DOCK3: variants seen among roughly 807,000 people sequenced by gnomAD.
DOCK3 encodes the protein dedicator of cytokinesis 3, also known as dedicator of cytokinesis protein 3.
DOCK3 carries 60 observed loss-of-function variants against 265.6 expected under a neutral mutation model. The observed-to-expected ratio is 0.23, with a 90% CI of 0.18 to 0.28. DOCK3 has a LOEUF of 0.28. Among genes scored for constraint, DOCK3 ranks in the 10% least tolerant of loss-of-function variants. The pLI is 1.00. For missense variants in DOCK3, 1,981 were observed against 2,594.3 expected, an observed-to-expected ratio of 0.76 and a Z score of 5.14; for synonymous variants, 881 against 938.0, an observed-to-expected ratio of 0.94 and a Z score of 1.11.
intron 32 of DOCK3, among the ~76,000 whole-genome samples, chr3:51,317,601 A>G (rs2083442929): frequency 6.8e-6 from 1 of 147,780 alleles, no homozygotes; most frequent in African/African-American, 2.5e-5. Flanking sequence ...AATAATAATA[A>G]TAATAATAAT....
chr3:51,088,317 A>G (rs1283975297), intron 7 of DOCK3, among the ~76,000 whole-genome samples: 4 of 152,206 alleles, frequency 2.6e-5, no homozygotes, highest in Non-Finnish European at 2.9e-5. Flanking sequence ...ACAAACATCT[A>G]GTTAGAAGGA....
At chr3:51,105,429 G>A (rs1392597275) in intron 9 of DOCK3, among the ~76,000 whole-genome samples, 1 of 152,156 alleles carries the variant, frequency 6.6e-6, no homozygotes, top group Non-Finnish European at 1.5e-5. Context: ...AGAGAAACAA[G>A]ACATGTGCCC....
chr3:51,010,826 ATC>A (rs2078918510), intron 5 of DOCK3, among the ~76,000 whole-genome samples: 3 of 152,064 alleles, frequency 2.0e-5, no homozygotes, highest in Admixed American at 6.5e-5. Flanking sequence ...TGGTGACAAA[ATC>A]TCTCAGCATT....
chr3:50,905,454 G>A (rs1479114626), intron 4 of DOCK3, among the ~76,000 whole-genome samples: 3 of 152,032 alleles, frequency 2.0e-5, no homozygotes, highest in African/African-American at 7.3e-5. Flanking sequence ...GTGGTTTGTA[G>A]TTCTCCTTGA....
chr3:51,269,342 A>T (rs2108859516), intron 23 of DOCK3, among the ~76,000 whole-genome samples: 1 of 151,970 alleles, frequency 6.6e-6, no homozygotes. Context: ...AGAGCAAATG[A>T]GTTACTGTTT....
chr3:51,012,685 A>G (rs185789395), intron 5 of DOCK3, among the ~76,000 whole-genome samples: 29 of 152,170 alleles, frequency 1.9e-4, no homozygotes, highest in African/African-American at 5.5e-4. Flanking sequence ...CCCCAATGAG[A>G]TGAACCTGGT....
At chr3:50,732,780 T>C (rs994953948) in intron 1 of DOCK3, among the ~76,000 whole-genome samples, 16 of 152,134 alleles carry the variant, frequency 1.1e-4, no homozygotes, top group Non-Finnish European at 1.6e-4. Flanking sequence ...GCATGCTTTA[T>C]GGTAGTATAA....
chr3:51,130,297 G>A (rs2084465535), intron 9 of DOCK3, among the ~76,000 whole-genome samples: 1 of 152,206 alleles, frequency 6.6e-6, no homozygotes, highest in African/African-American at 2.4e-5. Context: ...CTCCAAATAA[G>A]GTTATGACAC....
At chr3:51,068,356 C>A (rs1451658002) in intron 6 of DOCK3, among the ~76,000 whole-genome samples, 2 of 151,540 alleles carry the variant, frequency 1.3e-5, no homozygotes, top group Non-Finnish European at 2.9e-5. Flanking sequence ...CTGGCTAACA[C>A]GGTGAAACCC....
chr3:51,241,244 A>C (rs144234619), intron 21 of DOCK3, among the ~76,000 whole-genome samples: 2 of 152,302 alleles, frequency 1.3e-5, no homozygotes, highest in Non-Finnish European at 2.9e-5. Context: ...AGAATGTTGA[A>C]TATTGGCCCC....
At position 51,019,225 on chromosome 3, in the gene DOCK3, C is replaced by T. The variant is rs1243692008; in HGVS notation, c.316-45223C>T. On this transcript the variant is annotated intron_variant, in intron 5 of 52. Coordinates refer to ENST00000266037, the MANE Select transcript of DOCK3 (RefSeq NM_004947.5). ...TTATTGCAAATTCATGACTGGATTA[C>T]CACTTAGAAACTTTATTGTTTTCCT... Among the ~76,000 whole-genome samples the T allele has an allele frequency of 2.0e-5, 3 of 151,940 alleles. No homozygotes were observed. In the East Asian group the frequency reaches 5.8e-4, roughly 29 times the overall value.
intron 2 of DOCK3, among the ~76,000 whole-genome samples, chr3:50,801,588 T>G (rs1375010981): frequency 1.3e-5 from 2 of 152,058 alleles, no homozygotes; most frequent in African/African-American, 4.8e-5. Flanking sequence ...AATCTTAAAG[T>G]TTTTTTTGAG....
intron 3 of DOCK3, among the ~76,000 whole-genome samples, chr3:50,879,855 T>C (rs1046175509): frequency 2.6e-5 from 4 of 152,148 alleles, no homozygotes; most frequent in African/African-American, 7.2e-5. Context: ...ATCACACTTA[T>C]TCCAAAATCA....
At chr3:50,893,956 C>T (rs2048766955) in intron 4 of DOCK3, among the ~76,000 whole-genome samples, 2 of 127,108 alleles carry the variant, frequency 1.6e-5, no homozygotes. Flanking sequence ...GGGAACATCA[C>T]ACACCGGGGC....
intron 2 of DOCK3, chr3:50,787,830 ATTGT>A: frequency 9.0e-7 from 1 of 1,116,516 alleles, no homozygotes; most frequent in South Asian, 1.2e-5. Flanking sequence ...CTTCCTCCTC[ATTGT>A]TTAAGAACAG....
intron 3 of DOCK3, among the ~76,000 whole-genome samples, chr3:50,881,883 A>T (rs1392600805): frequency 6.6e-6 from 1 of 152,198 alleles, no homozygotes; most frequent in African/African-American, 2.4e-5. Flanking sequence ...AGTCTACAGT[A>T]ACCAACACAG....
At chr3:51,304,471 G>A (rs2082537462) in intron 27 of DOCK3, among the ~76,000 whole-genome samples, 1 of 152,070 alleles carries the variant, frequency 6.6e-6, no homozygotes, top group Non-Finnish European at 1.5e-5. Context: ...AGTTGTCATA[G>A]ACAGCAGGCA....
chr3:50,809,960 C>T (rs957162361), intron 2 of DOCK3, among the ~76,000 whole-genome samples: 8 of 151,782 alleles, frequency 5.3e-5, no homozygotes, highest in Admixed American at 2.6e-4. Context: ...GGTAACATAG[C>T]GAGATCTTGT....
chr3:51,341,181 T>TCCTGGGCCTCTGAGCAAGGGAAGCC, intron 37 of DOCK3, 56 bp from the exon 38 acceptor site: 1 of 1,514,216 alleles, frequency 6.6e-7, no homozygotes, highest in Non-Finnish European at 8.8e-7. Flanking sequence ...ACCAGGCTGC[T>TCCTGGGCCTCTGAGCAAGGGAAGCC]CCTGGGCCTC....
Sources: allele counts gnomAD v4.1 joint callset (sites outside exome capture counted in the v4.1 genomes callset), GRCh38; gene constraint gnomAD v4.1.1; transcripts MANE v1.5; gene names NCBI Gene and HGNC (gene_info 2026-07-23, HGNC 2026-07-21).